TTC28: variants seen among roughly 807,000 people sequenced by gnomAD.
TTC28 encodes tetratricopeptide repeat domain 28, also known as tetratricopeptide repeat protein 28.
A neutral mutation model predicts 198.0 loss-of-function variants in TTC28; 61 were observed. The observed-to-expected ratio is 0.31, with a 90% CI of 0.25 to 0.38. The LOEUF (loss-of-function observed/expected upper bound fraction) is 0.38, where lower values mean the gene tolerates loss of function less well. Among genes scored for constraint, TTC28 ranks in the 10% least tolerant of loss-of-function variants. The pLI is 1.00. For synonymous variants in TTC28, 1,171 were observed against 1,297.8 expected, an observed-to-expected ratio of 0.90 and a Z score of 2.10; for missense variants, 2,678 against 3,164.0, an observed-to-expected ratio of 0.85 and a Z score of 3.69.
chr22:28,601,940 T>TGGCACAAGGATCTCTGGTA (rs1267197380), intron 2 of TTC28, among the ~76,000 whole-genome samples: 2 of 149,330 alleles, frequency 1.3e-5, no homozygotes, highest in East Asian at 3.9e-4. Flanking sequence ...AAGAGACACC[T>TGGCACAAGGATCTCTGGTA]GGCACAAGGA....
Position 28,386,165 on chromosome 22 carries a change from CTTGGGAGG to C in TTC28, c.382-79530_382-79523del, listed in dbSNP as rs2046582252. Reference sequence around the variant, plus strand: ...TGGCGGGCGCCTGTAGTCCTAGCTACTTGGGAGGCTGAGGCAGGAGAATGGCGTGAACC... The same window carrying C: ...TGGCGGGCGCCTGTAGTCCTAGCTACCTGAGGCAGGAGAATGGCGTGAACC... On this transcript the variant is annotated intron_variant, in intron 2 of 22. Coordinates refer to ENST00000397906, the MANE Select transcript of TTC28 (RefSeq NM_001145418.2). 5.4e-5 allele frequency among the ~76,000 whole-genome samples: 8 copies of C among 147,502 alleles called. No homozygotes were observed. In the South Asian group the frequency reaches 1.8e-3, roughly 33 times the overall value.
At chr22:28,298,104 T>C (rs1370058295) in intron 3 of TTC28, among the ~76,000 whole-genome samples, 1 of 152,112 alleles carries the variant, frequency 6.6e-6, no homozygotes. Flanking sequence ...ATTGTGATCA[T>C]CATGTACCAC....
At chr22:28,222,970 T>C (rs1408311613) in intron 5 of TTC28, among the ~76,000 whole-genome samples, 2 of 152,194 alleles carry the variant, frequency 1.3e-5, no homozygotes, top group African/African-American at 4.8e-5. Context: ...AGGAACTCCA[T>C]TCACAATGAG....
chr22:28,600,154 G>T (rs2050615290), intron 2 of TTC28, among the ~76,000 whole-genome samples: 3 of 152,040 alleles, frequency 2.0e-5, no homozygotes, highest in Non-Finnish European at 4.4e-5. Flanking sequence ...AGCCATTTTG[G>T]GAGTCTGAGG....
chr22:28,172,593 G>A (rs527741971), intron 5 of TTC28, among the ~76,000 whole-genome samples: 2 of 152,296 alleles, frequency 1.3e-5, no homozygotes, highest in African/African-American at 4.8e-5. Context: ...TGAACATAAG[G>A]AAGGGAATAT....
intron 18 of TTC28, 69 bp downstream of exon 18, chr22:27,993,218 C>T (rs1937478506): frequency 7.3e-7 from 1 of 1,376,390 alleles, no homozygotes; most frequent in South Asian, 1.5e-5. Context: ...AATGCGGGGC[C>T]CAAGGCCACC....
intron 2 of TTC28, among the ~76,000 whole-genome samples, chr22:28,575,906 C>G (rs1328595135): frequency 6.6e-6 from 1 of 152,014 alleles, no homozygotes; most frequent in African/African-American, 2.4e-5. Context: ...TTGGTGGTGT[C>G]TTTAGGTTTA....
chr22:28,097,510 C>T (rs1207570774), intron 10 of TTC28, among the ~76,000 whole-genome samples: 1 of 152,172 alleles, frequency 6.6e-6, no homozygotes, highest in Non-Finnish European at 1.5e-5. Context: ...AATTTTGAAT[C>T]CCACTTTCCT....
At position 28,520,833 on chromosome 22, in the gene TTC28, A is replaced by G. The variant is rs538221494; in HGVS notation, c.381+108719T>C. Among the ~76,000 whole-genome samples, 302 of 152,136 alleles carry G rather than the reference A, an allele frequency of 2.0e-3. 1 individual carries two copies. The highest frequency in any genetic ancestry group is 3.4e-3 in the Non-Finnish European group (233 of 68,008). ...TTTGGGAGGCTGAGGCGGGCAGATC[A>G]CTTGAAGTCAGGATTTCAAGACCAG... On this transcript the variant is annotated intron_variant, in intron 2 of 22. Coordinates refer to ENST00000397906, the MANE Select transcript of TTC28 (RefSeq NM_001145418.2).
intron 2 of TTC28, among the ~76,000 whole-genome samples, chr22:28,489,873 G>A (rs11090536): frequency 0.013 from 1,993 of 152,200 alleles, 42 homozygotes; most frequent in African/African-American, 0.045. Context: ...GTATATAAAG[G>A]GGAGTTTATT....
At chr22:28,068,691 C>T (rs1317645339) in intron 12 of TTC28, among the ~76,000 whole-genome samples, 3 of 152,082 alleles carry the variant, frequency 2.0e-5, no homozygotes, top group African/African-American at 4.8e-5. Context: ...TAAGATTAAA[C>T]GATCACTTTA....
chr22:28,205,446 T>C (rs1382335969), intron 5 of TTC28, among the ~76,000 whole-genome samples: 1 of 152,096 alleles, frequency 6.6e-6, no homozygotes, highest in Non-Finnish European at 1.5e-5. Flanking sequence ...CACCTGATGA[T>C]AATTCTGCCA....
chr22:28,149,205 T>C (rs1943547956), intron 6 of TTC28, among the ~76,000 whole-genome samples: 2 of 152,208 alleles, frequency 1.3e-5, no homozygotes, highest in Non-Finnish European at 1.5e-5. Context: ...CAATAGTAGA[T>C]GTTTTAGCTG....
intron 6 of TTC28, 30 bp downstream of exon 6, chr22:28,163,062 C>A (rs1213835012): frequency 1.3e-6 from 2 of 1,513,272 alleles, no homozygotes; most frequent in Admixed American, 4.2e-5. Flanking sequence ...TGACTTTGAC[C>A]TGGGCTCTTA....
intron 5 of TTC28, among the ~76,000 whole-genome samples, chr22:28,270,096 T>C (rs968529950): frequency 1.3e-5 from 2 of 152,154 alleles, no homozygotes; most frequent in Non-Finnish European, 2.9e-5. Flanking sequence ...CCTGACAACA[T>C]GTGCCCAACG....
chr22:28,142,143 T>A (rs1037796361), intron 6 of TTC28, among the ~76,000 whole-genome samples: 33 of 152,258 alleles, frequency 2.2e-4, no homozygotes, highest in Admixed American at 5.9e-4. Context: ...AAAACTTTTT[T>A]AAAAAGTAAT....
chr22:28,034,905 C>T (rs1382591826), intron 12 of TTC28, among the ~76,000 whole-genome samples: 1 of 152,012 alleles, frequency 6.6e-6, no homozygotes, highest in African/African-American at 2.4e-5. Context: ...TCACCAGAGG[C>T]AGGCTCCAAA....
chr22:28,626,416 T>C (rs2051077445), intron 2 of TTC28, among the ~76,000 whole-genome samples: 1 of 151,928 alleles, frequency 6.6e-6, no homozygotes, highest in Non-Finnish European at 1.5e-5. Context: ...CACATCAGAC[T>C]AGACAAAAAT....
chr22:28,626,172 T>A (rs1278710976), intron 2 of TTC28, among the ~76,000 whole-genome samples: 4 of 152,082 alleles, frequency 2.6e-5, no homozygotes, highest in Non-Finnish European at 5.9e-5. Context: ...AGAAAAAACA[T>A]CTAGCATGCA....
Sources: gnomAD v4.1 joint callset for allele counts (sites outside exome capture counted in the v4.1 genomes callset) on GRCh38, gnomAD v4.1.1 for gene constraint, MANE v1.5 for transcripts, NCBI Gene and HGNC (gene_info 2026-07-23, HGNC 2026-07-21) for gene names.